Variants in MCCC2 observed in about 807,000 individuals in gnomAD.
MCCC2 encodes the protein methylcrotonyl-CoA carboxylase subunit 2, also known as methylcrotonoyl-CoA carboxylase beta chain, mitochondrial.
MCCC2 carries 52 observed loss-of-function variants against 77.2 expected under a neutral mutation model. The observed-to-expected ratio is 0.67, with a 90% CI of 0.54 to 0.85. MCCC2 has a LOEUF of 0.85. MCCC2 is among the 40% of genes least tolerant of loss of function. The pLI is 0.00. For synonymous variants in MCCC2, 253 were observed against 248.4 expected (o/e 1.02, Z -0.18); for missense variants, 682 against 703.2 (o/e 0.97, Z 0.34).
rs2112277970 is a variant in MCCC2, at chr5:71,592,954, T to G, written c.158T>G (p.Val53Gly). The change falls in exon 2 of 17, where the codon GTA becomes GGA. Residue 53 changes from valine to glycine, a missense_variant. Transcript: ENST00000340941. ...QENYKQMKAL[V>G]NQLHERVEHI... Reference sequence around the variant, plus strand: ...AACTACAAGCAGATGAAAGCACTAGTAAATCAGCTCCATGAACGAGTGGAG... The same window carrying G: ...AACTACAAGCAGATGAAAGCACTAGGAAATCAGCTCCATGAACGAGTGGAG... The G allele has an allele frequency of 6.2e-7, 1 of 1,613,578 alleles. No homozygotes were observed. The highest frequency in any genetic ancestry group is 2.2e-5 in the East Asian group (1 of 44,870).
intron 6 of MCCC2, among the ~76,000 whole-genome samples, chr5:71,615,336 C>T (rs765953795): frequency 3.9e-5 from 6 of 152,300 alleles, no homozygotes; most frequent in Non-Finnish European, 7.4e-5. Flanking sequence ...CCATGCCCTA[C>T]GAGAGTTTCA....
intron 6 of MCCC2, among the ~76,000 whole-genome samples, chr5:71,620,974 A>G (rs1746330769): frequency 1.3e-5 from 2 of 152,158 alleles, no homozygotes; most frequent in Non-Finnish European, 2.9e-5. Flanking sequence ...CCTGATGCAG[A>G]TGCAGGTCCC....
At chr5:71,642,960 G>T (rs1012805402) in intron 11 of MCCC2, among the ~76,000 whole-genome samples, 3 of 144,714 alleles carry the variant, frequency 2.1e-5, no homozygotes, top group Admixed American at 6.9e-5. Flanking sequence ...CCATGATCTC[G>T]CCATTGCATT....
chr5:71,639,610 A>AT (rs1457154044), intron 10 of MCCC2, among the ~76,000 whole-genome samples: 4 of 152,120 alleles, frequency 2.6e-5, no homozygotes, highest in Admixed American at 2.0e-4. Context: ...GACATTATGG[A>AT]TTTTTTGTGA....
chr5:71,629,580 A>C (rs1463550511), intron 7 of MCCC2, among the ~76,000 whole-genome samples: 1 of 152,216 alleles, frequency 6.6e-6, no homozygotes, highest in Non-Finnish European at 1.5e-5. Flanking sequence ...ATTAGAAAGA[A>C]TATGTTAAAT....
At chr5:71,605,894 G>C (rs1306906714) in intron 6 of MCCC2, among the ~76,000 whole-genome samples, 1 of 152,040 alleles carries the variant, frequency 6.6e-6, no homozygotes, top group Non-Finnish European at 1.5e-5. Flanking sequence ...TAGGTATGCG[G>C]CGTTATTTCT....
chr5:71,604,538 T>G, intron 6 of MCCC2, 70 bp downstream of exon 6: 3 of 1,158,866 alleles, frequency 2.6e-6, no homozygotes, highest in South Asian at 1.2e-5. Flanking sequence ...TTAGGTACTC[T>G]GGGATGGCTT....
At chr5:71,640,264 A>C (rs1747083052) in intron 10 of MCCC2, among the ~76,000 whole-genome samples, 1 of 146,808 alleles carries the variant, frequency 6.8e-6, no homozygotes, top group Non-Finnish European at 1.5e-5. Flanking sequence ...CTTTATTTTT[A>C]TTTTTTACTT....
At chr5:71,617,579 T>A (rs1746202152) in intron 6 of MCCC2, among the ~76,000 whole-genome samples, 1 of 152,248 alleles carries the variant, frequency 6.6e-6, no homozygotes, top group African/African-American at 2.4e-5. Flanking sequence ...GTTTCCTAAG[T>A]TTAATGTTTG....
intron 10 of MCCC2, among the ~76,000 whole-genome samples, chr5:71,636,904 T>C (rs1746952381): frequency 1.3e-5 from 2 of 151,518 alleles, no homozygotes; most frequent in African/African-American, 4.8e-5. Flanking sequence ...CCACCATACC[T>C]GGCTAATTTT....
At chr5:71,634,362 CA>C (rs1193120902) in intron 8 of MCCC2, among the ~76,000 whole-genome samples, 1 of 152,168 alleles carries the variant, frequency 6.6e-6, no homozygotes, top group Non-Finnish European at 1.5e-5. Flanking sequence ...ACCCATAATC[CA>C]AGGGCCAATG....
rs141515626 is a variant in MCCC2 at position 71,620,812 on chromosome 5, T to A, written c.625-5828T>A. 8.2e-3 allele frequency among the ~76,000 whole-genome samples: 1,256 copies of A among 152,320 alleles called. 11 individuals are homozygous for A. The highest frequency in any genetic ancestry group is 0.012 in the Non-Finnish European group (806 of 68,034). On this transcript the variant is annotated intron_variant, in intron 6 of 16. Coordinates refer to ENST00000340941, the MANE Select transcript of MCCC2 (RefSeq NM_022132.5). The stretch of plus-strand genomic sequence containing the variant: ...TGTCAGGTATGTCTCATCCTCATCC[T>A]TCTTGCACGTTCTTACTCTTGATTC...
chr5:71,606,183 G>A (rs1165825966), intron 6 of MCCC2, among the ~76,000 whole-genome samples: 22 of 150,882 alleles, frequency 1.5e-4, no homozygotes, highest in African/African-American at 3.4e-4. Flanking sequence ...CCATTTTCAC[G>A]ATATTGATTC....
At chr5:71,598,549 C>T (rs1015482470) in intron 3 of MCCC2, among the ~76,000 whole-genome samples, 10 of 151,012 alleles carry the variant, frequency 6.6e-5, no homozygotes, top group Non-Finnish European at 1.2e-4. Flanking sequence ...AGGTGATTCT[C>T]CTGCCTCAGC....
chr5:71,606,475 G>GC (rs1415895988), intron 6 of MCCC2, among the ~76,000 whole-genome samples: 2 of 148,292 alleles, frequency 1.3e-5, no homozygotes, highest in South Asian at 4.3e-4. Flanking sequence ...GAGATTTTGG[G>GC]CTGAGACAAT....
At chr5:71,607,759 G>T (rs1486026328) in intron 6 of MCCC2, among the ~76,000 whole-genome samples, 1 of 150,498 alleles carries the variant, frequency 6.6e-6, no homozygotes, top group African/African-American at 2.4e-5. Context: ...GCGTCCCAGA[G>T]ATTCTGGTAT....
chr5:71,597,846 T>C (rs1403946320), intron 3 of MCCC2, among the ~76,000 whole-genome samples: 2 of 152,200 alleles, frequency 1.3e-5, no homozygotes, highest in Non-Finnish European at 2.9e-5. Flanking sequence ...TTTTCCCTCC[T>C]AATGTATCTT....
rs1561842447 is a variant in MCCC2, at chr5:71,635,261, A to G, written c.999+15A>G. ...ATGTCCGAGAGGTATGTGAAAGTGG[A>G]ACTGTGAGCTTTATGACCAGCTGTG... is the stretch of plus-strand genomic sequence containing the variant. On this transcript the variant is annotated intron_variant, in intron 10 of 16. Transcript: ENST00000340941. 1 of 1,608,366 alleles carries G rather than the reference A, an allele frequency of 6.2e-7. No homozygotes were observed. The highest frequency in any genetic ancestry group is 8.5e-7 in the Non-Finnish European group (1 of 1,174,742).
Position 71,652,659 on chromosome 5 carries a change from TTTCC to T in MCCC2, c.1489-7_1489-4del. 6.2e-7 allele frequency: 1 copy of T among 1,613,828 alleles called. No homozygotes were observed. The highest frequency in any genetic ancestry group is 8.5e-7 in the Non-Finnish European group (1 of 1,179,722). On this transcript the variant is annotated splice_region_variant and splice_polypyrimidine_tract_variant and intron_variant, in intron 15 of 16. Coordinates refer to ENST00000340941, the MANE Select transcript of MCCC2 (RefSeq NM_022132.5). ...TGAAGCTGACTTACTCATGGCCTCTTTTCCTTTAGTTCTCCAGTGCTGATGAAGC... is the reference window on the plus strand; with the variant it reads ...TGAAGCTGACTTACTCATGGCCTCTTTTTAGTTCTCCAGTGCTGATGAAGC...
Sources: gnomAD v4.1 joint callset for allele counts (sites outside exome capture counted in the v4.1 genomes callset) on GRCh38, gnomAD v4.1.1 for gene constraint, MANE v1.5 for transcripts, NCBI Gene and HGNC (gene_info 2026-07-23, HGNC 2026-07-21) for gene names.